CEP83: variants seen among roughly 807,000 people sequenced by gnomAD.
CEP83 encodes centrosomal protein 83, also known as centrosomal protein of 83 kDa.
CEP83 carries 70 observed loss-of-function variants against 101.9 expected under a neutral mutation model. The ratio of observed to expected loss-of-function variants is 0.69; its 90% CI spans 0.57 to 0.84. The LOEUF (loss-of-function observed/expected upper bound fraction) is 0.84. Ranked by LOEUF, CEP83 falls within the 40% of genes least tolerant of loss-of-function variation. The pLI is 0.00. For missense variants in CEP83, 715 were observed against 787.2 expected, an observed-to-expected ratio of 0.91 and a Z score of 1.10; for synonymous variants, 264 against 267.9, an observed-to-expected ratio of 0.99 and a Z score of 0.14.
chr12:94,271,483 G>A, the CEP83 span, among the ~76,000 whole-genome samples: 1 of 152,196 alleles, frequency 6.6e-6, no homozygotes, highest in East Asian at 1.9e-4. Context: ...GGGTAAAACC[G>A]GTAGTGAAAG....
chr12:94,305,329 C>T (rs1400130523), downstream of CEP83: 2 of 1,203,384 alleles, frequency 1.7e-6, no homozygotes, highest in Admixed American at 1.9e-5. Flanking sequence ...CTTCAGACGA[C>T]TTGGGAGCAA....
At chr12:94,413,586 A>T (rs142593834) in intron 2 of CEP83, among the ~76,000 whole-genome samples, 15 of 152,302 alleles carry the variant, frequency 9.8e-5, no homozygotes, top group Non-Finnish European at 1.9e-4. Context: ...CCCAGACTAC[A>T]GATTCACATG....
chr12:94,275,896 A>AG, the CEP83 span, among the ~76,000 whole-genome samples: 1 of 146,972 alleles, frequency 6.8e-6, no homozygotes, highest in Admixed American at 6.7e-5. Context: ...CTGCTGTTTG[A>AG]GCACTAAGTG....
rs776414679 is a variant in CEP83, at chr12:94,379,006, T to G, written c.586A>C (p.Asn196His). The change falls in exon 7 of 17, where the codon AAC becomes CAC. Residue 196 changes from asparagine to histidine, a missense_variant. By Grantham distance (68) the Asn-to-His change is moderately conservative (BLOSUM62 1). Coordinates refer to ENST00000397809, the MANE Select transcript of CEP83 (RefSeq NM_016122.3). ...RLEEDKEELR[N>H]QLLNVDLTKD... ...GTGAGATCAACATTAAGCAGCTGGTTACGTAGTTCTTCTTTATCTTCCTCC... is the reference window on the plus strand; with the variant it reads ...GTGAGATCAACATTAAGCAGCTGGTGACGTAGTTCTTCTTTATCTTCCTCC... 6.2e-7 allele frequency: 1 copy of G among 1,612,050 alleles called. No homozygotes were observed. Among genetic ancestry groups the G allele is most frequent in the African/African-American group, 1.3e-5 (1 of 74,974 alleles).
chr12:94,422,638 G>A (rs901862056), intron 2 of CEP83, among the ~76,000 whole-genome samples: 1 of 152,134 alleles, frequency 6.6e-6, no homozygotes, highest in African/African-American at 2.4e-5. Context: ...CCCACAAGAG[G>A]CAACCACTTT....
downstream of CEP83, chr12:94,305,670 A>AG (rs1383241253): frequency 6.3e-6 from 1 of 158,248 alleles, no homozygotes; most frequent in Non-Finnish European, 1.4e-5. Flanking sequence ...TGCATTGTAA[A>AG]GGGATACTGC....
chr12:94,424,958 G>A (rs1022253332), intron 2 of CEP83: 3 of 1,443,084 alleles, frequency 2.1e-6, no homozygotes, highest in Non-Finnish European at 2.8e-6. Context: ...GGAAGTCACG[G>A]ATAGCAGCAT....
chr12:94,450,553 T>C (rs1327161460), intron 1 of CEP83, among the ~76,000 whole-genome samples: 1 of 152,204 alleles, frequency 6.6e-6, no homozygotes, highest in East Asian at 1.9e-4. Flanking sequence ...GCCTGGACGA[T>C]TGCATTTTTT....
the CEP83 span, among the ~76,000 whole-genome samples, chr12:94,283,455 G>A: frequency 1.3e-5 from 2 of 152,216 alleles, no homozygotes; most frequent in African/African-American, 4.8e-5. Context: ...GCATGTCCCT[G>A]TAATGTAACT....
chr12:94,375,927 A>T lies in CEP83; in HGVS notation c.892T>A (p.Leu298Met), dbSNP rs754947985. ...SEQNTFLINK[L>M]HKAEREINTL... is the part of the protein sequence containing the mutation. ...TTTATTTCTCGTTCAGCTTTATGCAATTTATTAATTAAAAAGGTATTTTGT... is the reference window on the plus strand; with the variant it reads ...TTTATTTCTCGTTCAGCTTTATGCATTTTATTAATTAAAAAGGTATTTTGT... Residue 298 changes from leucine to methionine, a missense_variant, in exon 8 of 17, where the codon TTG (leucine) becomes ATG (methionine). Transcript: ENST00000397809. The T allele has an allele frequency of 5.9e-6, 9 of 1,527,502 alleles. No homozygotes were observed. Among genetic ancestry groups the T allele is most frequent in the Non-Finnish European group, 8.0e-6 (9 of 1,120,906 alleles). The allele number at this position is 1,527,502 out of a possible 1,614,324, so 94.6% of individuals were successfully genotyped here. A position where few individuals can be genotyped will look rare whatever the true frequency, so the allele number is the denominator to read the frequency against.
intron 1 of CEP83, among the ~76,000 whole-genome samples, chr12:94,456,658 C>A (rs2067700713): frequency 1.3e-5 from 2 of 152,172 alleles, no homozygotes; most frequent in South Asian, 4.1e-4. Context: ...ACCACCAGAT[C>A]TCATGAGAAC....
chr12:94,352,248 G>A lies in CEP83; in HGVS notation c.1343+15546C>T, dbSNP rs865875156. ...AGCCTGGCCAACATACTGAAACCCC[G>A]TCTCTACTAAAAATACAAAAAATTA... is the stretch of plus-strand genomic sequence containing the variant. On this transcript the variant is annotated intron_variant, in intron 11 of 16. Coordinates refer to ENST00000397809, the MANE Select transcript of CEP83 (RefSeq NM_016122.3). Among the ~76,000 whole-genome samples the A allele has an allele frequency of 1.2e-4, 18 of 151,966 alleles. 1 individual carries two copies. Among genetic ancestry groups the A allele is most frequent in the Middle Eastern group, 6.8e-3 (2 of 294 alleles).
At chr12:94,436,140 G>C (rs1035565285) in intron 1 of CEP83, among the ~76,000 whole-genome samples, 2 of 152,014 alleles carry the variant, frequency 1.3e-5, no homozygotes, top group Non-Finnish European at 1.5e-5. Context: ...AAAGGAACCA[G>C]GAAAGTAATT....
In CEP83 at chr12:94,308,864, C is replaced by T; in HGVS notation, c.2055G>A (p.Leu685=). The change falls in exon 17 of 17, where the codon CTG becomes CTA. Residue 685 remains leucine (L), a synonymous_variant. Coordinates refer to ENST00000397809, the MANE Select transcript of CEP83 (RefSeq NM_016122.3). ...CTAGTTGTTTTCTTTGTGTTGTTTC[C>T]AGTTCTTCTAGTCTTTTGCGAAGTA... The part of the protein sequence containing the change: ...LSLLRKRLEE[L]ETTQRKQLEE... The T allele has an allele frequency of 6.2e-7, 1 of 1,612,994 alleles. No homozygotes were observed.
the CEP83 span, among the ~76,000 whole-genome samples, chr12:94,270,938 AG>A: frequency 6.6e-6 from 1 of 152,090 alleles, no homozygotes; most frequent in Non-Finnish European, 1.5e-5. Context: ...CGCAGCTCAA[AG>A]GGGAACGTCA....
At chr12:94,356,302 G>A (rs1316404985) in intron 11 of CEP83, among the ~76,000 whole-genome samples, 1 of 152,176 alleles carries the variant, frequency 6.6e-6, no homozygotes, top group Middle Eastern at 3.2e-3. Context: ...AGAGTATAGT[G>A]AAGTAACAGA....
At chr12:94,312,751 A>G in intron 15 of CEP83, 163 bp downstream of exon 15, 4 of 983,694 alleles carry the variant, frequency 4.1e-6, no homozygotes, top group Non-Finnish European at 4.8e-6. Context: ...AGAAACATTC[A>G]GTTAGGGGGT....
intron 14 of CEP83, 27 bp from the exon 15 acceptor site, chr12:94,313,044 G>C (rs1238839419): frequency 5.0e-6 from 5 of 995,124 alleles, no homozygotes; most frequent in Non-Finnish European, 7.7e-6. Flanking sequence ...GAACAAGTAT[G>C]TTAATACATA....
chr12:94,331,472 T>C (rs2059217338), intron 14 of CEP83, among the ~76,000 whole-genome samples: 1 of 144,200 alleles, frequency 6.9e-6, no homozygotes, highest in Non-Finnish European at 1.5e-5. Flanking sequence ...GTTCATGCCA[T>C]TCTCCTGTCT....
Sources: allele counts gnomAD v4.1 joint callset (sites outside exome capture counted in the v4.1 genomes callset), GRCh38; gene constraint gnomAD v4.1.1; transcripts MANE v1.5; gene names NCBI Gene and HGNC (gene_info 2026-07-23, HGNC 2026-07-21).